GPC5: variants seen among roughly 807,000 people sequenced by gnomAD.
GPC5 encodes glypican 5.
In GPC5, 47 loss-of-function variants were observed where a neutral mutation model predicts 53.9. The observed-to-expected ratio is 0.87, with a 90% CI of 0.69 to 1.11. The LOEUF (loss-of-function observed/expected upper bound fraction) is 1.11. Among genes scored for constraint, GPC5 ranks in the 50% most tolerant of loss-of-function variants. The probability of loss-of-function intolerance (pLI) is 0.00; values close to 1 mark genes in which losing one functional copy is unlikely to be tolerated. For synonymous variants in GPC5, 286 were observed against 263.3 expected (o/e 1.09, Z -0.84); for missense variants, 748 against 713.1 (o/e 1.05, Z -0.56).
Position 91,880,098 on chromosome 13 carries a change from T to TTA in GPC5, c.1281-27836_1281-27835dup, listed in dbSNP as rs1176526167. Among the ~76,000 whole-genome samples, 7 of 152,188 alleles carry TTA rather than the reference T, an allele frequency of 4.6e-5. No homozygotes were observed. In the East Asian group the frequency reaches 1.4e-3, roughly 29 times the overall value. On this transcript the variant is annotated intron_variant, in intron 5 of 7. Transcript: ENST00000377067. Reference sequence around the variant, plus strand: ...AACAAATACTTACTAAAAACACTGGTTATAGGGACTTAAAATTTTTTTTAA... The same window carrying TTA: ...AACAAATACTTACTAAAAACACTGGTTATATAGGGACTTAAAATTTTTTTTAA...
chr13:92,213,192 T>C (rs1174477644), intron 7 of GPC5, among the ~76,000 whole-genome samples: 1 of 152,216 alleles, frequency 6.6e-6, no homozygotes, highest in Non-Finnish European at 1.5e-5. Flanking sequence ...TGTCCTTTAG[T>C]TAACAGATGT....
chr13:92,590,429 G>A (rs1377284848), intron 7 of GPC5, among the ~76,000 whole-genome samples: 6 of 152,254 alleles, frequency 3.9e-5, no homozygotes, highest in Non-Finnish European at 8.8e-5. Context: ...GACAGACTGC[G>A]CACAGGAGAC....
At chr13:92,518,611 A>G (rs938632700) in intron 7 of GPC5, among the ~76,000 whole-genome samples, 3 of 152,234 alleles carry the variant, frequency 2.0e-5, no homozygotes, top group African/African-American at 7.2e-5. Context: ...CTGCCTTACA[A>G]GAGGCTCCTG....
At chr13:91,508,207 A>T (rs1415782044) in intron 2 of GPC5, among the ~76,000 whole-genome samples, 3 of 152,218 alleles carry the variant, frequency 2.0e-5, no homozygotes, top group African/African-American at 7.2e-5. Flanking sequence ...TAACAACAAA[A>T]CTTACTGTTA....
At chr13:91,775,770 T>C (rs1218862020) in intron 5 of GPC5, among the ~76,000 whole-genome samples, 1 of 152,252 alleles carries the variant, frequency 6.6e-6, no homozygotes, top group African/African-American at 2.4e-5. Context: ...ATCAGTTGTT[T>C]AGATGTCTGT....
At chr13:91,980,319 A>G (rs185616040) in intron 6 of GPC5, among the ~76,000 whole-genome samples, 182 of 152,324 alleles carry the variant, frequency 1.2e-3, no homozygotes, top group African/African-American at 4.3e-3. Context: ...GGATTTTTTT[A>G]AGATCTATTC....
At chr13:91,463,225 A>G (rs887110114) in intron 2 of GPC5, among the ~76,000 whole-genome samples, 4 of 152,126 alleles carry the variant, frequency 2.6e-5, no homozygotes, top group African/African-American at 9.6e-5. Context: ...ACACCTCTAC[A>G]TCACTTCATT....
At chr13:92,333,008 A>T (rs2043298560) in intron 7 of GPC5, among the ~76,000 whole-genome samples, 1 of 152,206 alleles carries the variant, frequency 6.6e-6, no homozygotes, top group Non-Finnish European at 1.5e-5. Context: ...GATTGGAGAG[A>T]CAGACAAGTG....
intron 2 of GPC5, among the ~76,000 whole-genome samples, chr13:91,551,620 A>G (rs1002259859): frequency 6.6e-6 from 1 of 152,126 alleles, no homozygotes; most frequent in African/African-American, 2.4e-5. Flanking sequence ...GTATTGTACA[A>G]TGGGGATAGC....
At chr13:92,549,534 A>G (rs1206672883) in intron 7 of GPC5, among the ~76,000 whole-genome samples, 1 of 152,028 alleles carries the variant, frequency 6.6e-6, no homozygotes, top group African/African-American at 2.4e-5. Context: ...ATGTATCTAT[A>G]TATTTCACTA....
At chr13:92,656,179 A>G in intron 7 of GPC5, among the ~76,000 whole-genome samples, 1 of 152,240 alleles carries the variant, frequency 6.6e-6, no homozygotes, top group East Asian at 1.9e-4. Flanking sequence ...AAAACAGCAC[A>G]GGGCAGAGTG....
intron 7 of GPC5, among the ~76,000 whole-genome samples, chr13:92,805,128 T>C (rs548262702): frequency 2.4e-4 from 37 of 152,190 alleles, no homozygotes; most frequent in African/African-American, 8.7e-4. Context: ...CCTGTCAAAG[T>C]TGACATTTTG....
At chr13:91,841,602 A>G (rs913368608) in intron 5 of GPC5, among the ~76,000 whole-genome samples, 2 of 152,116 alleles carry the variant, frequency 1.3e-5, no homozygotes. Flanking sequence ...AAGGTGGCCA[A>G]TGAATAACAT....
chr13:92,555,119 C>T (rs1882449876), intron 7 of GPC5, among the ~76,000 whole-genome samples: 1 of 151,072 alleles, frequency 6.6e-6, no homozygotes, highest in South Asian at 2.1e-4. Context: ...AAATTGTGCA[C>T]TAAACATGTG....
At chr13:92,389,728 A>G (rs1196853914) in intron 7 of GPC5, among the ~76,000 whole-genome samples, 1 of 152,178 alleles carries the variant, frequency 6.6e-6, no homozygotes, top group African/African-American at 2.4e-5. Flanking sequence ...GTTTGGAACC[A>G]CTAAATATAA....
At chr13:92,317,402 A>G (rs2043186379) in intron 7 of GPC5, among the ~76,000 whole-genome samples, 1 of 152,210 alleles carries the variant, frequency 6.6e-6, no homozygotes, top group Non-Finnish European at 1.5e-5. Context: ...TCAGGATAAT[A>G]GAAAATGAAG....
chr13:92,527,480 T>G (rs1396949642), intron 7 of GPC5, among the ~76,000 whole-genome samples: 2 of 152,046 alleles, frequency 1.3e-5, no homozygotes, highest in Non-Finnish European at 2.9e-5. Flanking sequence ...GGGTAAGGTG[T>G]GGCTGTTGCA....
intron 7 of GPC5, among the ~76,000 whole-genome samples, chr13:92,369,129 T>A (rs954385648): frequency 1.3e-5 from 2 of 152,238 alleles, no homozygotes; most frequent in African/African-American, 4.8e-5. Context: ...CAGTTAAACA[T>A]CAGCTGTGAA....
At chr13:91,560,932 T>C (rs2031224613) in intron 2 of GPC5, among the ~76,000 whole-genome samples, 2 of 152,074 alleles carry the variant, frequency 1.3e-5, no homozygotes, top group Admixed American at 1.3e-4. Context: ...CTCCTTACCA[T>C]TTTATACCAC....
Sources: gnomAD v4.1 joint callset for allele counts (sites outside exome capture counted in the v4.1 genomes callset) on GRCh38, gnomAD v4.1.1 for gene constraint, MANE v1.5 for transcripts, NCBI Gene and HGNC (gene_info 2026-07-23, HGNC 2026-07-21) for gene names.